Variants in CSPP1 observed in about 807,000 individuals in gnomAD.
CSPP1 encodes centrosome and spindle pole-associated protein 1.
Under a neutral mutation model 164.4 loss-of-function variants are expected in CSPP1, and 126 were observed. That is an observed-to-expected ratio of 0.77 (90% CI 0.66 to 0.89). The LOEUF is 0.89. CSPP1 is among the 40% of genes least tolerant of loss of function. The probability of loss-of-function intolerance (pLI) is 0.00; values close to 1 mark genes in which losing one functional copy is unlikely to be tolerated. For missense variants in CSPP1, 1,395 were observed against 1,449.8 expected (o/e 0.96, Z 0.61); for synonymous variants, 472 against 476.7 (o/e 0.99, Z 0.13).
rs750496112 is a variant in CSPP1, at chr8:67,193,479, AAT to A, written c.3347_3348del (p.Asn1116SerfsTer17). The A allele has an allele frequency of 6.2e-7, 1 of 1,613,296 alleles. No homozygotes were observed. The highest frequency in any genetic ancestry group is 8.5e-7 in the Non-Finnish European group (1 of 1,179,286). The stretch of plus-strand genomic sequence containing the variant: ...CTAACTACAGGATAGCAGTCGTCCT[AAT>A]GTAGCACCAGATGGTCTCTCTCTAA... ...KGLDIDSSRP[N>X]VAPDGLSLKS... On this transcript the variant is annotated frameshift_variant, in exon 30 of 31. Transcript: ENST00000678616. LOFTEE classifies it high-confidence loss of function.
At chr8:67,193,323 C>T (rs1836938445) in intron 29 of CSPP1, 141 bp from the exon 30 acceptor site, 2 of 574,574 alleles carry the variant, frequency 3.5e-6, no homozygotes, top group Non-Finnish European at 6.1e-6. Flanking sequence ...TCTTGAACTC[C>T]TGACTTCAGG....
At position 67,194,836 on chromosome 8, in the gene CSPP1, A is replaced by G. The variant is rs146315979; in HGVS notation, c.3470-546A>G. On this transcript the variant is annotated intron_variant, in intron 30 of 30. Transcript: ENST00000678616. ...AGAATGAAGCAAGAGCTACCTCTTC[A>G]TTGACTGGACACGGCCTTGTTAGAT... Among the ~76,000 whole-genome samples the G allele has an allele frequency of 7.8e-4, 119 of 152,334 alleles. 1 individual carries two copies. The highest frequency in any genetic ancestry group is 2.7e-3 in the African/African-American group (112 of 41,584).
intron 10 of CSPP1, 133 bp downstream of exon 10, chr8:67,112,198 C>A: frequency 4.6e-6 from 2 of 436,978 alleles, no homozygotes; most frequent in Non-Finnish European, 4.1e-6. Flanking sequence ...TTCATCTCTA[C>A]ATGCTAAATC....
chr8:67,146,994 C>T (rs891604464), intron 17 of CSPP1, among the ~76,000 whole-genome samples: 2 of 152,114 alleles, frequency 1.3e-5, no homozygotes, highest in African/African-American at 2.4e-5. Flanking sequence ...AATCATTTTT[C>T]CCAATAAAAA....
At chr8:67,185,153 A>T (rs964167747) in intron 28 of CSPP1, among the ~76,000 whole-genome samples, 1 of 151,842 alleles carries the variant, frequency 6.6e-6, no homozygotes, top group Non-Finnish European at 1.5e-5. Context: ...AAAACACAAC[A>T]TAGTCCAAGA....
At chr8:67,078,366 G>A (rs751227618) in intron 3 of CSPP1, among the ~76,000 whole-genome samples, 26 of 151,688 alleles carry the variant, frequency 1.7e-4, no homozygotes, top group Admixed American at 6.6e-4. Flanking sequence ...TTTTGAGACA[G>A]GATCTTACTT....
intron 4 of CSPP1, chr8:67,086,896 T>C (rs1357488730): frequency 4.3e-6 from 5 of 1,163,846 alleles, no homozygotes; most frequent in Admixed American, 2.4e-5. Context: ...TTCTTTTTTT[T>C]TTTTTTTACG....
chr8:67,155,564 G>A (rs1196680436), intron 19 of CSPP1, among the ~76,000 whole-genome samples: 3 of 152,168 alleles, frequency 2.0e-5, no homozygotes, highest in Admixed American at 2.0e-4. Context: ...GGGAGGCCAA[G>A]GTGGGCAGAT....
chr8:67,064,504 T>C lies in CSPP1; in HGVS notation c.-45T>C. 1 of 1,613,212 alleles carries C rather than the reference T, an allele frequency of 6.2e-7. No individual in the cohort carries two copies. The highest frequency in any genetic ancestry group is 8.5e-7 in the Non-Finnish European group (1 of 1,179,778). ...GCGAGCCCGCTCCCCTGAGTAAGAG[T>C]CAGCCAGCCGCGGATGGGGAGCGTG... is the stretch of plus-strand genomic sequence containing the variant. On this transcript the variant is annotated 5_prime_UTR_variant, in exon 1 of 31. Coordinates refer to ENST00000678616, the MANE Select transcript of CSPP1 (RefSeq NM_001382391.1).
At chr8:67,086,499 T>C (rs1283089171) in intron 4 of CSPP1, among the ~76,000 whole-genome samples, 1 of 152,126 alleles carries the variant, frequency 6.6e-6, no homozygotes, top group Non-Finnish European at 1.5e-5. Flanking sequence ...TATTTTCCTA[T>C]GAGCCAAGCT....
intron 17 of CSPP1, among the ~76,000 whole-genome samples, chr8:67,140,169 C>G (rs1373577734): frequency 2.0e-5 from 3 of 152,178 alleles, no homozygotes; most frequent in Admixed American, 2.0e-4. Context: ...ACTGCAACCT[C>G]TGCCTCCAGG....
chr8:67,163,753 C>G lies in CSPP1; in HGVS notation c.2665C>G (p.Gln889Glu). Residue 889 changes from glutamine (Q) to glutamate (E), a missense_variant, in exon 23 of 31, where the codon CAG (glutamine) becomes GAG (glutamate). Physicochemically the swap from Gln to Glu is conservative, Grantham distance 29 (BLOSUM62 2). Transcript: ENST00000678616. ...ACAGGAAAGTTCCATGTCCAGGGCA[C>G]AGTCACCCCCGGTACCTGCCAGGAA... ...FIHESSMSRAQSPPVPARKNQ... is the reference protein window; with the variant it reads ...FIHESSMSRAESPPVPARKNQ... 3 of 1,613,554 alleles carry G rather than the reference C, an allele frequency of 1.9e-6. No homozygotes were observed. Among genetic ancestry groups the G allele is most frequent in the Non-Finnish European group, 2.5e-6 (3 of 1,179,672 alleles).
At chr8:67,149,645 G>A in intron 17 of CSPP1, 138 bp from the exon 18 acceptor site, 1 of 524,252 alleles carries the variant, frequency 1.9e-6, no homozygotes, top group Admixed American at 3.5e-5. Context: ...TCTTTTCAGG[G>A]CACCAACATA....
rs994503835 is a variant in CSPP1, at chr8:67,164,591, C to A, written c.2828+83C>A. On this transcript the variant is annotated intron_variant, in intron 24 of 30. Transcript: ENST00000678616. ...ATCCAGTAATTTTGTAGTTTGGGAA[C>A]AGGACTAATTCATCTTACTTAAAAT... The A allele has an allele frequency of 3.2e-5, 22 of 681,230 alleles. 1 individual carries two copies. The highest frequency in any genetic ancestry group is 3.0e-4 in the African/African-American group (17 of 56,302). 42.2% of individuals were successfully genotyped at this position (681,230 alleles called of 1,614,324 possible). A position where few individuals can be genotyped will look rare whatever the true frequency, so the allele number is the denominator to read the frequency against.
chr8:67,137,420 T>G (rs1260953898), intron 16 of CSPP1, 36 bp from the exon 17 acceptor site: 2 of 1,344,638 alleles, frequency 1.5e-6, no homozygotes, highest in Admixed American at 5.6e-5. Context: ...AGAATACTTG[T>G]CAGCGTTTAT....
chr8:67,189,210 C>G (rs1445222154), intron 28 of CSPP1, among the ~76,000 whole-genome samples: 3 of 152,182 alleles, frequency 2.0e-5, no homozygotes, highest in Non-Finnish European at 4.4e-5. Context: ...AGTATGGCAG[C>G]TTCTTACAAA....
chr8:67,170,835 G>A (rs910469763), intron 24 of CSPP1, among the ~76,000 whole-genome samples: 5 of 151,948 alleles, frequency 3.3e-5, no homozygotes, highest in Non-Finnish European at 5.9e-5. Flanking sequence ...CACCCAGGCT[G>A]GAGTGCAGTT....
chr8:67,167,396 T>C (rs1246626633), intron 24 of CSPP1, among the ~76,000 whole-genome samples: 1 of 143,108 alleles, frequency 7.0e-6, no homozygotes, highest in Non-Finnish European at 1.5e-5. Flanking sequence ...GGGCGGGGGC[T>C]GCCCCCCACC....
At position 67,195,997 on chromosome 8, in the gene CSPP1, T is replaced by A. The variant is rs1837866580; in HGVS notation, c.*404T>A. ...CAAAAGAATTCATTTAGTAGGTACA[T>A]CTATTGTAGCTGTGATTATTCCAGT... On this transcript the variant is annotated 3_prime_UTR_variant, in exon 31 of 31. Coordinates refer to ENST00000678616, the MANE Select transcript of CSPP1 (RefSeq NM_001382391.1). 1 of 170,192 alleles carries A rather than the reference T, an allele frequency of 5.9e-6. No individual in the cohort carries two copies. The highest frequency in any genetic ancestry group is 1.3e-5 in the Non-Finnish European group (1 of 78,290). 10.5% of individuals were successfully genotyped at this position (170,192 alleles called of 1,614,324 possible). A position where few individuals can be genotyped will look rare whatever the true frequency, so the allele number is the denominator to read the frequency against.
Sources: gnomAD v4.1 joint callset for allele counts (sites outside exome capture counted in the v4.1 genomes callset) on GRCh38, gnomAD v4.1.1 for gene constraint, MANE v1.5 for transcripts, NCBI Gene and HGNC (gene_info 2026-07-23, HGNC 2026-07-21) for gene names.